TENM3: variants seen among roughly 807,000 people sequenced by gnomAD.
TENM3 encodes teneurin-3.
A neutral mutation model predicts 255.1 loss-of-function variants in TENM3; 63 were observed. The ratio of observed to expected loss-of-function variants is 0.25; its 90% CI spans 0.20 to 0.30. The LOEUF is 0.30. TENM3 is among the 10% of genes least tolerant of loss of function. The pLI, the probability that TENM3 is intolerant of heterozygous loss-of-function variation, is 1.00. For synonymous variants in TENM3, 1,306 were observed against 1,322.3 expected, an observed-to-expected ratio of 0.99 and a Z score of 0.27; for missense variants, 2,929 against 3,461.1, an observed-to-expected ratio of 0.85 and a Z score of 3.86.
At chr4:182,297,350 A>C (rs534957503) in intron 1 of TENM3, among the ~76,000 whole-genome samples, 36 of 152,326 alleles carry the variant, frequency 2.4e-4, no homozygotes, top group African/African-American at 7.2e-4. Flanking sequence ...TGAAATAAAT[A>C]ATTTATACAA....
At chr4:182,536,224 G>A (rs1393379111) in intron 3 of TENM3, among the ~76,000 whole-genome samples, 2 of 152,176 alleles carry the variant, frequency 1.3e-5, no homozygotes, top group African/African-American at 4.8e-5. Flanking sequence ...TTATGTTGGG[G>A]CAACCAGTGT....
At chr4:182,366,513 T>C (rs1766440993) in intron 3 of TENM3, among the ~76,000 whole-genome samples, 1 of 152,108 alleles carries the variant, frequency 6.6e-6, no homozygotes, top group South Asian at 2.1e-4. Flanking sequence ...TATCCACTTT[T>C]GTAAATGTCA....
At chr4:182,771,170 A>G (rs1293223272) in intron 22 of TENM3, among the ~76,000 whole-genome samples, 2 of 152,234 alleles carry the variant, frequency 1.3e-5, no homozygotes, top group African/African-American at 2.4e-5. Context: ...TGGTAAGCCA[A>G]TGAAAGAGCA....
At chr4:182,199,721 T>TTC (rs2149822068) in intron 1 of TENM3, among the ~76,000 whole-genome samples, 1 of 53,736 alleles carries the variant, frequency 1.9e-5, no homozygotes, top group Admixed American at 2.3e-4. Context: ...ACATCATTGC[T>TTC]TTTTTTTTTT....
At chr4:181,589,029 G>C in the TENM3 span, among the ~76,000 whole-genome samples, 1 of 152,146 alleles carries the variant, frequency 6.6e-6, no homozygotes, top group South Asian at 2.1e-4. Flanking sequence ...TTAGACATAA[G>C]GAAGAGCGCC....
the TENM3 span, among the ~76,000 whole-genome samples, chr4:181,733,676 C>T: frequency 6.6e-6 from 1 of 152,100 alleles, no homozygotes; most frequent in Non-Finnish European, 1.5e-5. Flanking sequence ...TCTCATGGGG[C>T]TTATGGTTGG....
the TENM3 span, among the ~76,000 whole-genome samples, chr4:181,943,074 C>T: frequency 6.6e-6 from 1 of 152,086 alleles, no homozygotes; most frequent in African/African-American, 2.4e-5. Context: ...ACCTTTTGAA[C>T]AAACTTGTGT....
At chr4:182,704,992 T>C (rs1169921233) in intron 12 of TENM3, among the ~76,000 whole-genome samples, 1 of 152,208 alleles carries the variant, frequency 6.6e-6, no homozygotes, top group Non-Finnish European at 1.5e-5. Flanking sequence ...CTCTTAAGAA[T>C]ATGTAATTGT....
the TENM3 span, among the ~76,000 whole-genome samples, chr4:181,565,547 C>G: frequency 6.6e-6 from 1 of 152,156 alleles, no homozygotes; most frequent in Non-Finnish European, 1.5e-5. Context: ...CAGAATATTA[C>G]AGGGATGCGG....
At chr4:182,194,751 C>G (rs895194923) in intron 1 of TENM3, among the ~76,000 whole-genome samples, 2 of 152,136 alleles carry the variant, frequency 1.3e-5, no homozygotes, top group Admixed American at 6.6e-5. Context: ...AGATTTATGA[C>G]AAACATTTTT....
At chr4:181,872,538 G>A in the TENM3 span, among the ~76,000 whole-genome samples, 1 of 152,018 alleles carries the variant, frequency 6.6e-6, no homozygotes, top group Non-Finnish European at 1.5e-5. Flanking sequence ...GTGACAAACA[G>A]TGTTGTTCAA....
chr4:182,659,220 C>T (rs1197851599), intron 6 of TENM3, among the ~76,000 whole-genome samples: 1 of 152,150 alleles, frequency 6.6e-6, no homozygotes, highest in African/African-American at 2.4e-5. Flanking sequence ...TCAGGGATTT[C>T]TGTACAGTAC....
the TENM3 span, among the ~76,000 whole-genome samples, chr4:181,865,387 C>T: frequency 6.6e-6 from 1 of 152,024 alleles, no homozygotes; most frequent in East Asian, 1.9e-4. Context: ...TTCTTGTTGC[C>T]GATGATGATG....
At chr4:181,752,097 T>C in the TENM3 span, among the ~76,000 whole-genome samples, 5 of 152,200 alleles carry the variant, frequency 3.3e-5, no homozygotes, top group Non-Finnish European at 5.9e-5. Flanking sequence ...ACATTCCTAA[T>C]TTCTGTTTTA....
intron 27 of TENM3, 102 bp downstream of exon 27, chr4:182,796,869 T>C (rs1484431611): frequency 2.1e-6 from 2 of 950,020 alleles, no homozygotes; most frequent in Non-Finnish European, 2.9e-6. Context: ...AAAGACAGTT[T>C]TTAACTTTTT....
intron 1 of TENM3, among the ~76,000 whole-genome samples, chr4:182,276,341 C>T (rs1760000414): frequency 6.6e-6 from 1 of 152,174 alleles, no homozygotes; most frequent in Admixed American, 6.5e-5. Flanking sequence ...TATCAGGTAA[C>T]CATACATGAC....
chr4:182,635,820 C>T (rs1158155466), intron 5 of TENM3, among the ~76,000 whole-genome samples: 1 of 152,156 alleles, frequency 6.6e-6, no homozygotes, highest in African/African-American at 2.4e-5. Context: ...TGTCCTACTT[C>T]TGGGCCTATT....
the TENM3 span, among the ~76,000 whole-genome samples, chr4:181,653,603 G>A: frequency 6.6e-6 from 1 of 151,398 alleles, no homozygotes; most frequent in Non-Finnish European, 1.5e-5. Flanking sequence ...GTTTTACCGT[G>A]TTGGCCAGGA....
chr4:182,127,687 C>T, the TENM3 span, among the ~76,000 whole-genome samples: 1 of 152,172 alleles, frequency 6.6e-6, no homozygotes, highest in Non-Finnish European at 1.5e-5. Context: ...AAAAGGAGCT[C>T]TGTTCTCTTG....
Sources: allele counts gnomAD v4.1 joint callset (sites outside exome capture counted in the v4.1 genomes callset), GRCh38; gene constraint gnomAD v4.1.1; transcripts MANE v1.5; gene names NCBI Gene and HGNC (gene_info 2026-07-23, HGNC 2026-07-21).